The following AGBL1 variants were observed in gnomAD, a reference collection of about 807,000 sequenced individuals.
AGBL1 encodes the protein cytosolic carboxypeptidase 4.
In AGBL1, 130 loss-of-function variants were observed where a neutral mutation model predicts 118.9. The ratio of observed to expected loss-of-function variants is 1.09; its 90% confidence interval spans 0.95 to 1.26. The LOEUF is 1.26. AGBL1 is among the 50% of genes most tolerant of loss of function. The probability of loss-of-function intolerance (pLI) is 0.00; values close to 1 mark genes in which losing one functional copy is unlikely to be tolerated. For missense variants in AGBL1, 1,584 were observed against 1,298.1 expected (o/e 1.22, Z -3.38); for synonymous variants, 555 against 478.9 (o/e 1.16, Z -2.08).
rs115588035 is a variant in AGBL1 at position 86,738,445 on chromosome 15, C to T, written c.3158+64009C>T. Reference sequence around the variant, plus strand: ...GAAAAAAAAAGAAGTCAAATTGTCCCTCTTGCAAATACATCATCTCATATA... The same window carrying T: ...GAAAAAAAAAGAAGTCAAATTGTCCTTCTTGCAAATACATCATCTCATATA... On this transcript the variant is annotated intron_variant, in intron 22 of 22. Coordinates refer to ENST00000614907, the MANE Select transcript of AGBL1 (RefSeq NM_001386094.1). Among the ~76,000 whole-genome samples, 733 of 152,216 alleles carry T rather than the reference C, an allele frequency of 4.8e-3. 2 individuals carry two copies. The highest frequency in any genetic ancestry group is 0.015 in the African/African-American group (624 of 41,536).
At chr15:86,505,392 C>T (rs1258511696) in intron 18 of AGBL1, among the ~76,000 whole-genome samples, 8 of 151,774 alleles carry the variant, frequency 5.3e-5, no homozygotes, top group South Asian at 4.1e-4. Flanking sequence ...TATTTTGGAA[C>T]TCCTATTAGA....
At chr15:86,328,740 T>C (rs2080225174) in intron 17 of AGBL1, among the ~76,000 whole-genome samples, 1 of 152,106 alleles carries the variant, frequency 6.6e-6, no homozygotes, top group Admixed American at 6.5e-5. Context: ...TCCAAGCAAC[T>C]GAGGCTGAGA....
intron 18 of AGBL1, among the ~76,000 whole-genome samples, chr15:86,399,121 C>T (rs2081407933): frequency 6.6e-6 from 1 of 152,124 alleles, no homozygotes; most frequent in South Asian, 2.1e-4. Context: ...CCAAGTTCTT[C>T]ACTAAGAAAC....
chr15:86,894,433 C>G (rs2080093863), intron 22 of AGBL1, among the ~76,000 whole-genome samples: 1 of 152,128 alleles, frequency 6.6e-6, no homozygotes. Context: ...GAGAGCAACT[C>G]TGCATGACGT....
intron 5 of AGBL1, among the ~76,000 whole-genome samples, chr15:86,181,208 T>A (rs1420895106): frequency 6.6e-6 from 1 of 152,074 alleles, no homozygotes; most frequent in African/African-American, 2.4e-5. Flanking sequence ...TTACAAAGAC[T>A]CATTTACAAA....
intron 22 of AGBL1, among the ~76,000 whole-genome samples, chr15:86,739,290 A>G (rs1418460835): frequency 6.6e-6 from 1 of 151,774 alleles, no homozygotes; most frequent in East Asian, 1.9e-4. Flanking sequence ...TTAAAAATAC[A>G]AAATTAGCCG....
chr15:86,523,932 G>A (rs930035581), intron 19 of AGBL1, among the ~76,000 whole-genome samples: 5 of 152,106 alleles, frequency 3.3e-5, no homozygotes, highest in Admixed American at 6.5e-5. Context: ...AGGGACATAC[G>A]TCCAAATTCA....
At chr15:87,011,955 AC>A (rs2081564549) in intron 24 of AGBL1, among the ~76,000 whole-genome samples, 1 of 152,098 alleles carries the variant, frequency 6.6e-6, no homozygotes. Context: ...TATTCCGTTT[AC>A]TTTCCATAGA....
At chr15:86,851,951 G>C (rs2079413047) in intron 22 of AGBL1, among the ~76,000 whole-genome samples, 1 of 152,118 alleles carries the variant, frequency 6.6e-6, no homozygotes, top group Non-Finnish European at 1.5e-5. Context: ...TTATTGTTTA[G>C]TTGTAAAAAG....
intron 23 of AGBL1, among the ~76,000 whole-genome samples, chr15:86,968,976 C>A (rs1367131129): frequency 6.6e-6 from 1 of 151,872 alleles, no homozygotes; most frequent in East Asian, 1.9e-4. Flanking sequence ...ACAAAGGCCC[C>A]ACCTTTTAAT....
chr15:86,386,379 A>C (rs972124415), intron 17 of AGBL1, among the ~76,000 whole-genome samples: 1 of 146,648 alleles, frequency 6.8e-6, no homozygotes, highest in African/African-American at 2.5e-5. Context: ...CTGGTTGCCC[A>C]TTTTCAAGAT....
At chr15:86,812,041 GATTAA>G (rs1047494157) in intron 22 of AGBL1, among the ~76,000 whole-genome samples, 2 of 152,184 alleles carry the variant, frequency 1.3e-5, no homozygotes, top group African/African-American at 4.8e-5. Context: ...AATACTGTCA[GATTAA>G]ATGGTTTGGG....
chr15:86,871,356 G>A (rs1323709604), intron 22 of AGBL1, among the ~76,000 whole-genome samples: 1 of 152,148 alleles, frequency 6.6e-6, no homozygotes, highest in Non-Finnish European at 1.5e-5. Context: ...AGGAAGCCCA[G>A]ATACCTTCAC....
chr15:86,746,767 G>A (rs2077762782), intron 22 of AGBL1, among the ~76,000 whole-genome samples: 1 of 151,918 alleles, frequency 6.6e-6, no homozygotes, highest in African/African-American at 2.4e-5. Flanking sequence ...TTAGTATGAC[G>A]CTGGCCCCCT....
chr15:86,697,253 T>C (rs1013960634), intron 22 of AGBL1, among the ~76,000 whole-genome samples: 8 of 151,896 alleles, frequency 5.3e-5, no homozygotes, highest in Non-Finnish European at 1.0e-4. Context: ...GGTTTGGTCA[T>C]TTAACATAAT....
At chr15:86,634,099 C>T (rs993882215) in intron 21 of AGBL1, among the ~76,000 whole-genome samples, 1 of 151,954 alleles carries the variant, frequency 6.6e-6, no homozygotes, top group South Asian at 2.1e-4. Flanking sequence ...TTGGAGCCCT[C>T]ATACTCTGAT....
chr15:86,698,523 G>C (rs2086301300), intron 22 of AGBL1, among the ~76,000 whole-genome samples: 1 of 151,732 alleles, frequency 6.6e-6, no homozygotes, highest in Non-Finnish European at 1.5e-5. Context: ...TGTTCTTTAG[G>C]GGAGATAATC....
intron 22 of AGBL1, among the ~76,000 whole-genome samples, chr15:86,711,754 C>G (rs28696038): frequency 0.32 from 48,890 of 152,030 alleles, 7,890 homozygotes; most frequent in Admixed American, 0.36. Context: ...GGCTGCTTTG[C>G]TGCTACAGTG....
At chr15:86,371,122 C>CAGACTTGG (rs1209792240) in intron 17 of AGBL1, among the ~76,000 whole-genome samples, 3 of 152,166 alleles carry the variant, frequency 2.0e-5, no homozygotes, top group Non-Finnish European at 4.4e-5. Context: ...CAGTCCAGTA[C>CAGACTTGG]AGACTTGGAG....
Sources: gnomAD v4.1 joint callset for allele counts (sites outside exome capture counted in the v4.1 genomes callset) on GRCh38, gnomAD v4.1.1 for gene constraint, MANE v1.5 for transcripts, NCBI Gene and HGNC (gene_info 2026-07-23, HGNC 2026-07-21) for gene names.